The following STARD13 variants were observed in gnomAD, a reference collection of about 807,000 sequenced individuals.
The protein encoded by STARD13 is stAR-related lipid transfer protein 13.
A neutral mutation model predicts 106.4 loss-of-function variants in STARD13; 62 were observed. That is an observed-to-expected ratio of 0.58 (90% CI 0.48 to 0.72). The LOEUF (loss-of-function observed/expected upper bound fraction) is 0.72. Among genes scored for constraint, STARD13 ranks in the 30% least tolerant of loss-of-function variants. The pLI is 0.00. For missense variants in STARD13, 1,387 were observed against 1,424.0 expected (o/e 0.97, Z 0.42); for synonymous variants, 565 against 553.0 (o/e 1.02, Z -0.31).
At chr13:33,618,251 C>G in the STARD13 span, among the ~76,000 whole-genome samples, 1 of 152,164 alleles carries the variant, frequency 6.6e-6, no homozygotes, top group Non-Finnish European at 1.5e-5. Context: ...CCTGAAAAAT[C>G]TATCAATCAA....
At chr13:33,397,570 G>C in the STARD13 span, among the ~76,000 whole-genome samples, 2 of 152,164 alleles carry the variant, frequency 1.3e-5, no homozygotes, top group African/African-American at 4.8e-5. Flanking sequence ...TAAAATTTCA[G>C]GCCCTTCACA....
Position 33,129,562 on chromosome 13 carries a change from C to T in STARD13, c.1115G>A (p.Gly372Glu). ...GTCCCCTGCATCCGGCAGTGCTGTC[C>T]CCGCCAGCACATCTAGGTCCTCCAA... ...MYLEDLDVLA[G>E]TALPDAGDQS... The change falls in exon 5 of 14, where the codon GGG (glycine) becomes GAG (glutamate). Residue 372 changes from glycine (G) to glutamate (E), a missense_variant. Transcript: ENST00000336934. The T allele has an allele frequency of 6.2e-7, 1 of 1,614,110 alleles. No homozygotes were observed. The highest frequency in any genetic ancestry group is 8.5e-7 in the Non-Finnish European group (1 of 1,180,028).
At chr13:33,487,158 C>T in the STARD13 span, among the ~76,000 whole-genome samples, 21 of 152,160 alleles carry the variant, frequency 1.4e-4, no homozygotes, top group Admixed American at 4.6e-4. Flanking sequence ...GCCTGTATCA[C>T]AAAGTTGTGA....
intron 1 of STARD13, among the ~76,000 whole-genome samples, chr13:33,214,949 G>T (rs911227877): frequency 1.3e-5 from 2 of 152,128 alleles, no homozygotes; most frequent in Non-Finnish European, 2.9e-5. Context: ...GGTTTCCAGG[G>T]AAACAGAATC....
Position 33,104,186 on chromosome 13 carries a change from A to G in STARD13, c.*1407T>C, listed in dbSNP as rs1873415994. Reference sequence around the variant, plus strand: ...AAGAAAATCTCTCTCCCTGAAATCAAACACACAATAAGTTATCTTTCTCTC... The same window carrying G: ...AAGAAAATCTCTCTCCCTGAAATCAGACACACAATAAGTTATCTTTCTCTC... On this transcript the variant is annotated 3_prime_UTR_variant, in exon 14 of 14. Transcript: ENST00000336934. 1 of 152,234 alleles carries G rather than the reference A, an allele frequency of 6.6e-6. No homozygotes were observed. The highest frequency in any genetic ancestry group is 1.5e-5 in the Non-Finnish European group (1 of 68,036). The allele number at this position is 152,234 out of a possible 1,614,324, so 9.4% of individuals were successfully genotyped here.
the STARD13 span, among the ~76,000 whole-genome samples, chr13:33,487,099 C>T: frequency 6.6e-6 from 1 of 152,154 alleles, no homozygotes; most frequent in Admixed American, 6.5e-5. Flanking sequence ...GGCAACTTAA[C>T]CTCCCTGAGC....
At chr13:33,145,732 G>A (rs1880441067) in intron 3 of STARD13, among the ~76,000 whole-genome samples, 1 of 152,140 alleles carries the variant, frequency 6.6e-6, no homozygotes, top group African/African-American at 2.4e-5. Context: ...ATGAATCTCA[G>A]AGTCATTATG....
At chr13:33,531,133 TC>T in the STARD13 span, among the ~76,000 whole-genome samples, 1 of 152,124 alleles carries the variant, frequency 6.6e-6, no homozygotes, top group Non-Finnish European at 1.5e-5. Flanking sequence ...AAGGGGAGTT[TC>T]CCTGCACAAG....
the STARD13 span, among the ~76,000 whole-genome samples, chr13:33,407,414 C>T: frequency 6.6e-6 from 1 of 152,160 alleles, no homozygotes; most frequent in African/African-American, 2.4e-5. Context: ...GGGTAGAATA[C>T]CCACCAAAAT....
At chr13:33,206,639 G>T (rs1887435281) in intron 1 of STARD13, among the ~76,000 whole-genome samples, 1 of 152,204 alleles carries the variant, frequency 6.6e-6, no homozygotes, top group African/African-American at 2.4e-5. Context: ...TGCATTTCAG[G>T]TTCCAGATGA....
the STARD13 span, among the ~76,000 whole-genome samples, chr13:33,635,377 A>C: frequency 1.3e-5 from 2 of 152,232 alleles, no homozygotes; most frequent in Non-Finnish European, 2.9e-5. Context: ...AACACTTAGC[A>C]GGCCGGTTGT....
the STARD13 span, among the ~76,000 whole-genome samples, chr13:33,469,263 G>A: frequency 6.6e-6 from 1 of 152,182 alleles, no homozygotes. Flanking sequence ...AGTTTCAGAA[G>A]CAGCATCCAA....
chr13:33,654,748 T>C, the STARD13 span: 1 of 152,262 alleles, frequency 6.6e-6, no homozygotes, highest in African/African-American at 2.4e-5. Context: ...GGTTAGTTCC[T>C]GATTTTACCT....
the STARD13 span, among the ~76,000 whole-genome samples, chr13:33,434,570 G>C: frequency 6.6e-6 from 1 of 152,030 alleles, no homozygotes; most frequent in African/African-American, 2.4e-5. Flanking sequence ...TGCTTTCTTG[G>C]CTCATGAAAG....
the STARD13 span, among the ~76,000 whole-genome samples, chr13:33,542,311 T>G: frequency 4.6e-5 from 7 of 152,266 alleles, no homozygotes; most frequent in East Asian, 9.7e-4. Context: ...CAGACTGCAT[T>G]TGGATCGCTA....
chr13:33,111,841 G>A lies in STARD13; in HGVS notation c.2544C>T (p.Asn848=), dbSNP rs769479186. The A allele has an allele frequency of 1.1e-5, 17 of 1,613,928 alleles. No homozygotes were observed. The highest frequency in any genetic ancestry group is 4.5e-5 in the East Asian group (2 of 44,894). ...GCCCCTGAGCTGCTGCCAGATTCTC[G>A]TTGAGGTCCTTTTGATCTGGCTTCC... ...ATGKPDQKDL[N]ENLAAAQGLA... The change falls in exon 10 of 14, where the codon AAC becomes AAT. Residue 848 remains asparagine (N), a synonymous_variant. Coordinates refer to ENST00000336934, the MANE Select transcript of STARD13 (RefSeq NM_178006.4).
chr13:33,566,793 A>G, the STARD13 span, among the ~76,000 whole-genome samples: 3 of 147,990 alleles, frequency 2.0e-5, 1 homozygote, highest in African/African-American at 5.0e-5. Flanking sequence ...GGCTATTACT[A>G]TGTGATCCTT....
intron 1 of STARD13, among the ~76,000 whole-genome samples, chr13:33,340,259 A>G (rs1354290206): frequency 6.6e-6 from 1 of 152,196 alleles, no homozygotes; most frequent in Non-Finnish European, 1.5e-5. Context: ...GTTGGAGTGC[A>G]GTGGTGCAAT....
chr13:33,541,826 A>G, the STARD13 span, among the ~76,000 whole-genome samples: 1 of 152,246 alleles, frequency 6.6e-6, no homozygotes, highest in Admixed American at 6.5e-5. Flanking sequence ...GCAGATTCAT[A>G]CAGATTTTAT....
Sources: allele counts gnomAD v4.1 joint callset (sites outside exome capture counted in the v4.1 genomes callset), GRCh38; gene constraint gnomAD v4.1.1; transcripts MANE v1.5; gene names NCBI Gene and HGNC (gene_info 2026-07-23, HGNC 2026-07-21).